ZNF385B: variants seen among roughly 807,000 people sequenced by gnomAD.
ZNF385B encodes zinc finger protein 533.
ZNF385B carries 23 observed loss-of-function variants against 39.2 expected under a neutral mutation model. The ratio of observed to expected loss-of-function variants is 0.59; its 90% CI spans 0.42 to 0.83. The LOEUF (loss-of-function observed/expected upper bound fraction) is 0.83, where lower values mean the gene tolerates loss of function less well. ZNF385B is among the 40% of genes least tolerant of loss of function. The pLI, the probability that ZNF385B is intolerant of heterozygous loss-of-function variation, is 0.00. For synonymous variants in ZNF385B, 205 were observed against 222.6 expected (o/e 0.92, Z 0.70); for missense variants, 552 against 598.9 (o/e 0.92, Z 0.82).
intron 3 of ZNF385B, among the ~76,000 whole-genome samples, chr2:179,751,112 T>C (rs966705590): frequency 2.6e-5 from 4 of 152,040 alleles, no homozygotes; most frequent in South Asian, 2.1e-4. Flanking sequence ...TAAGTAGTAA[T>C]TTTTATTCCT....
chr2:179,631,733 TAA>T (rs1691238462), intron 3 of ZNF385B, among the ~76,000 whole-genome samples: 1 of 152,020 alleles, frequency 6.6e-6, no homozygotes, highest in Non-Finnish European at 1.5e-5. Flanking sequence ...GCAAATTGGA[TAA>T]AGAGTCAAGA....
In ZNF385B at chr2:179,770,630, T is replaced by G. The variant is rs989989901; in HGVS notation, c.-112A>C. 2.6e-5 allele frequency: 4 copies of G among 152,350 alleles called. No individual in the cohort carries two copies. The East Asian group carries it at 7.7e-4, about 29-fold the overall frequency. 9.4% of individuals were successfully genotyped at this position (152,350 alleles called of 1,614,324 possible). On this transcript the variant is annotated 5_prime_UTR_variant, in exon 2 of 10. The change abolishes an upstream ATG in the 5' untranslated region. Coordinates refer to ENST00000410066, the MANE Select transcript of ZNF385B (RefSeq NM_152520.6). ...GTTTTTCGGTTTCCAGGTTAGCCCA[T>G]AAACATCAATTTAATATTTGATGGA...
chr2:179,514,416 T>C (rs578019470), intron 5 of ZNF385B, among the ~76,000 whole-genome samples: 1 of 152,354 alleles, frequency 6.6e-6, no homozygotes, highest in South Asian at 2.1e-4. Flanking sequence ...CTTAATTCCA[T>C]CTACTACCTT....
chr2:179,847,543 T>G (rs1708859367), intron 1 of ZNF385B, among the ~76,000 whole-genome samples: 1 of 152,204 alleles, frequency 6.6e-6, no homozygotes, highest in Non-Finnish European at 1.5e-5. Flanking sequence ...AATTCCCAGT[T>G]TTGTATGGCT....
intron 3 of ZNF385B, among the ~76,000 whole-genome samples, chr2:179,743,637 C>G (rs1702205463): frequency 6.6e-6 from 1 of 152,066 alleles, no homozygotes; most frequent in South Asian, 2.1e-4. Context: ...ACTAAATGTC[C>G]TGGTAATTTT....
intron 1 of ZNF385B, among the ~76,000 whole-genome samples, chr2:179,789,165 C>A (rs1029558803): frequency 1.3e-5 from 2 of 151,872 alleles, no homozygotes; most frequent in Non-Finnish European, 2.9e-5. Flanking sequence ...GAAAAAAAAA[C>A]CCTGGAAAAT....
chr2:179,768,231 T>A (rs1315315281), intron 3 of ZNF385B, among the ~76,000 whole-genome samples: 2 of 152,052 alleles, frequency 1.3e-5, no homozygotes, highest in East Asian at 1.9e-4. Flanking sequence ...ATTACAGGCG[T>A]GAGCCACTGC....
chr2:179,545,041 A>C, intron 3 of ZNF385B, 72 bp from the exon 4 acceptor site: 1 of 1,598,634 alleles, frequency 6.3e-7, no homozygotes, highest in Non-Finnish European at 8.6e-7. Context: ...CTACAGTGCA[A>C]GAACAAGTCT....
At chr2:179,831,285 C>T (rs1010761723) in intron 1 of ZNF385B, among the ~76,000 whole-genome samples, 14 of 152,086 alleles carry the variant, frequency 9.2e-5, no homozygotes, top group Non-Finnish European at 1.8e-4. Flanking sequence ...TCTCACATAA[C>T]CTTATGAGGT....
chr2:179,442,160 G>A lies in ZNF385B; in HGVS notation c.*1090C>T, dbSNP rs1483874959. ...TCTTGTTGATATCGGCTTAGAAAGG[G>A]GGGCATGGGAGCATGACCTGCAATA... On this transcript the variant is annotated 3_prime_UTR_variant, in exon 10 of 10. Coordinates refer to ENST00000410066, the MANE Select transcript of ZNF385B (RefSeq NM_152520.6). 6.6e-6 allele frequency: 1 copy of A among 152,556 alleles called. No homozygotes were observed. Among genetic ancestry groups the A allele is most frequent in the Non-Finnish European group, 1.5e-5 (1 of 68,030 alleles). The allele number at this position is 152,556 out of a possible 1,614,324, so 9.5% of individuals were successfully genotyped here. A position where few individuals can be genotyped will look rare whatever the true frequency, so the allele number is the denominator to read the frequency against.
intron 4 of ZNF385B, among the ~76,000 whole-genome samples, chr2:179,537,552 C>A (rs865785436): frequency 1.3e-5 from 2 of 151,936 alleles, no homozygotes; most frequent in Admixed American, 6.6e-5. Context: ...CCAGTCTGGG[C>A]AACATGGTGA....
intron 4 of ZNF385B, among the ~76,000 whole-genome samples, chr2:179,542,164 A>G (rs1415881468): frequency 1.3e-5 from 2 of 152,208 alleles, no homozygotes; most frequent in African/African-American, 4.8e-5. Context: ...TGAGTTGGAC[A>G]CTAGAATGGA....
At chr2:179,713,727 C>T (rs1413362883) in intron 3 of ZNF385B, among the ~76,000 whole-genome samples, 1 of 152,156 alleles carries the variant, frequency 6.6e-6, no homozygotes, top group African/African-American at 2.4e-5. Context: ...TAATGATTGA[C>T]TGAATAAATG....
chr2:179,824,801 A>G (rs1707589805), intron 1 of ZNF385B, among the ~76,000 whole-genome samples: 2 of 152,080 alleles, frequency 1.3e-5, no homozygotes, highest in South Asian at 4.1e-4. Flanking sequence ...TACAACTTTT[A>G]AACAGGGTGG....
intron 3 of ZNF385B, among the ~76,000 whole-genome samples, chr2:179,653,705 A>G (rs555139983): frequency 7.9e-5 from 12 of 152,272 alleles, no homozygotes; most frequent in African/African-American, 2.6e-4. Context: ...CAAGCCATCT[A>G]TTTCCTTCTA....
chr2:179,808,218 G>C (rs1037280319), intron 1 of ZNF385B, among the ~76,000 whole-genome samples: 11 of 152,086 alleles, frequency 7.2e-5, no homozygotes, highest in African/African-American at 2.4e-4. Flanking sequence ...ATTTTCAGTA[G>C]AGACGGGGTT....
Position 179,446,550 on chromosome 2 carries a change from C to T in ZNF385B, c.936G>A (p.Leu312=), listed in dbSNP as rs141276023. The T allele has an allele frequency of 1.9e-6, 3 of 1,613,882 alleles. No individual in the cohort carries two copies. Among genetic ancestry groups the T allele is most frequent in the Non-Finnish European group, 2.5e-6 (3 of 1,179,908 alleles). ...CSLCKVAVNS[L]SQLEAHNTGS... is the part of the protein sequence containing the mutation. Reference sequence around the variant, plus strand: ...CTGTGTTGTGTGCCTCTAGCTGTGACAGGGAGTTCACAGCCACTTTGCATA... The same window carrying T: ...CTGTGTTGTGTGCCTCTAGCTGTGATAGGGAGTTCACAGCCACTTTGCATA... The change falls in exon 7 of 10, where the codon CTG becomes CTA. Residue 312 remains leucine, a synonymous_variant. Transcript: ENST00000410066.
chr2:179,591,311 A>G (rs1275768511), intron 3 of ZNF385B, among the ~76,000 whole-genome samples: 1 of 151,650 alleles, frequency 6.6e-6, no homozygotes, highest in African/African-American at 2.4e-5. Context: ...TAGTTCTTAG[A>G]TTAAGGAAAA....
At chr2:179,853,406 T>A (rs1684336127) in intron 1 of ZNF385B, among the ~76,000 whole-genome samples, 1 of 152,224 alleles carries the variant, frequency 6.6e-6, no homozygotes, top group Non-Finnish European at 1.5e-5. Flanking sequence ...AGTTACTTGG[T>A]CTTCCAAAAG....
Sources: gnomAD v4.1 joint callset for allele counts (sites outside exome capture counted in the v4.1 genomes callset) on GRCh38, gnomAD v4.1.1 for gene constraint, MANE v1.5 for transcripts, NCBI Gene and HGNC (gene_info 2026-07-23, HGNC 2026-07-21) for gene names.